AXDND1: variants seen among roughly 807,000 people sequenced by gnomAD.
AXDND1 encodes the protein axonemal dynein light chain domain containing 1, also known as axonemal dynein light chain domain-containing protein 1.
A neutral mutation model predicts 137.5 loss-of-function variants in AXDND1; 110 were observed. The ratio of observed to expected loss-of-function variants is 0.80; its 90% confidence interval spans 0.69 to 0.94. The LOEUF (loss-of-function observed/expected upper bound fraction) is 0.94, where lower values mean the gene tolerates loss of function less well. Among genes scored for constraint, AXDND1 ranks in the 40% least tolerant of loss-of-function variants. The pLI is 0.00. For missense variants in AXDND1, 1,191 were observed against 1,169.8 expected, an observed-to-expected ratio of 1.02 and a Z score of -0.26; for synonymous variants, 414 against 399.7, an observed-to-expected ratio of 1.04 and a Z score of -0.43.
intron 9 of AXDND1, among the ~76,000 whole-genome samples, chr1:179,386,323 C>T (rs1649220272): frequency 6.6e-6 from 1 of 152,212 alleles, no homozygotes; most frequent in African/African-American, 2.4e-5. Flanking sequence ...GCTGGGATTA[C>T]AGGCGTGAGC....
At chr1:179,385,507 T>A in intron 9 of AXDND1, 148 bp downstream of exon 9, 1 of 905,546 alleles carries the variant, frequency 1.1e-6, no homozygotes, top group Non-Finnish European at 1.7e-6. Flanking sequence ...TCTTTTTTGT[T>A]AATATATGGA....
chr1:179,466,706 T>G (rs1449121884), intron 16 of AXDND1, among the ~76,000 whole-genome samples: 2 of 152,334 alleles, frequency 1.3e-5, no homozygotes, highest in East Asian at 1.9e-4. Flanking sequence ...ATTTTTGTCT[T>G]GGTTTTGAGT....
At chr1:179,459,329 A>G (rs1661876695) in intron 16 of AXDND1, among the ~76,000 whole-genome samples, 1 of 152,176 alleles carries the variant, frequency 6.6e-6, no homozygotes, top group African/African-American at 2.4e-5. Flanking sequence ...TAGGTTCTAT[A>G]GGAAGAAAAT....
At chr1:179,456,185 T>G in intron 16 of AXDND1, 1 of 735,284 alleles carries the variant, frequency 1.4e-6, no homozygotes, top group Non-Finnish European at 2.3e-6. Context: ...TCCCTGTCAC[T>G]TCTCTGGATC....
At chr1:179,474,902 A>C (rs1664419408) in intron 17 of AXDND1, among the ~76,000 whole-genome samples, 1 of 152,268 alleles carries the variant, frequency 6.6e-6, no homozygotes, top group South Asian at 2.1e-4. Flanking sequence ...GGAGGTAAAA[A>C]TGGTTTCTTG....
At chr1:179,537,724 G>A (rs987648221) in intron 25 of AXDND1, among the ~76,000 whole-genome samples, 5 of 152,126 alleles carry the variant, frequency 3.3e-5, no homozygotes, top group Non-Finnish European at 5.9e-5. Context: ...AGTTAGGCAG[G>A]ATTCCCTTTT....
At chr1:179,483,343 G>A (rs949384363) in intron 18 of AXDND1, 122 bp downstream of exon 18, 5 of 534,768 alleles carry the variant, frequency 9.3e-6, no homozygotes, top group Non-Finnish European at 1.6e-5. Flanking sequence ...ATAGAAGCTT[G>A]TATAATAATT....
At chr1:179,528,872 G>A (rs552755963) in intron 23 of AXDND1, among the ~76,000 whole-genome samples, 4 of 152,148 alleles carry the variant, frequency 2.6e-5, no homozygotes, top group South Asian at 4.2e-4. Context: ...GACTGCAGAC[G>A]CGAGCTATTG....
At chr1:179,378,041 G>A (rs190838286) in intron 4 of AXDND1, among the ~76,000 whole-genome samples, 15 of 152,184 alleles carry the variant, frequency 9.9e-5, no homozygotes, top group African/African-American at 3.1e-4. Flanking sequence ...ATGATGGCAC[G>A]TGCTTGTAAT....
intron 12 of AXDND1, among the ~76,000 whole-genome samples, chr1:179,420,717 G>C (rs1025057457): frequency 6.6e-6 from 1 of 151,580 alleles, no homozygotes; most frequent in Middle Eastern, 3.4e-3. Context: ...CCATTTCCCA[G>C]GTTCAAGCAA....
chr1:179,378,061 T>G lies in AXDND1; in HGVS notation c.375-576T>G, dbSNP rs76017662. Among the ~76,000 whole-genome samples the G allele has an allele frequency of 2.3e-3, 344 of 152,132 alleles. 14 individuals are homozygous for G. In the East Asian group the frequency reaches 0.058, roughly 26 times the overall value. ...GGCACGTGCTTGTAATCCCAGCTAC[T>G]TGGGAGGCTGGGCAGGAGAATTGCT... On this transcript the variant is annotated intron_variant, in intron 4 of 25. Transcript: ENST00000367618.
Position 179,383,461 on chromosome 1 carries a change from G to C in AXDND1, c.658G>C (p.Glu220Gln). Residue 220 changes from glutamate (E) to glutamine (Q), a missense_variant, in exon 8 of 26, where the codon GAA becomes CAA. Physicochemically the swap from Glu to Gln is conservative, Grantham distance 29 (BLOSUM62 2). Transcript: ENST00000367618. ...TTTTAGGAAACCTAATAAAAGAGTA[G>C]AAGTGGCCCAGCTGAATGATGTGAT... ...FPSMKPNKRV[E>Q]VAQLNDVMDT... 1.2e-6 allele frequency: 2 copies of C among 1,613,856 alleles called. No individual in the cohort carries two copies. Among genetic ancestry groups the C allele is most frequent in the Non-Finnish European group, 1.7e-6 (2 of 1,179,812 alleles).
intron 17 of AXDND1, among the ~76,000 whole-genome samples, chr1:179,472,924 C>T (rs535722211): frequency 5.9e-5 from 9 of 152,010 alleles, no homozygotes; most frequent in African/African-American, 2.2e-4. Flanking sequence ...CTATAGAGAC[C>T]ATATAGTTGA....
chr1:179,541,274 C>A (rs1214401401), intron 25 of AXDND1, among the ~76,000 whole-genome samples: 1 of 152,194 alleles, frequency 6.6e-6, no homozygotes, highest in Non-Finnish European at 1.5e-5. Context: ...TACCCTGACT[C>A]CTTGTACTTC....
rs60585777 is a variant in AXDND1 at position 179,504,269 on chromosome 1, T to C, written c.2389-5027T>C. Among the ~76,000 whole-genome samples, 767 of 152,314 alleles carry C rather than the reference T, an allele frequency of 5.0e-3. 8 individuals are homozygous for C. Among genetic ancestry groups the C allele is most frequent in the African/African-American group, 0.018 (740 of 41,574 alleles). On this transcript the variant is annotated intron_variant, in intron 20 of 25. Coordinates refer to ENST00000367618, the MANE Select transcript of AXDND1 (RefSeq NM_144696.6). ...AAGCAGTCTCTTGGAACCCACACTA[T>C]ACATCTAGAAATGTGTTCAAGCCTT...
intron 4 of AXDND1, 73 bp downstream of exon 4, chr1:179,370,151 A>C (rs1667898498): frequency 4.2e-6 from 5 of 1,198,024 alleles, no homozygotes; most frequent in Non-Finnish European, 6.0e-6. Context: ...TTACCTTGGG[A>C]GGGGCAGAAT....
At chr1:179,538,688 T>C (rs1199892331) in intron 25 of AXDND1, among the ~76,000 whole-genome samples, 1 of 152,212 alleles carries the variant, frequency 6.6e-6, no homozygotes, top group African/African-American at 2.4e-5. Context: ...GATGGAGAAT[T>C]CTGTAGGTGT....
chr1:179,367,573 C>T (rs947267494), intron 2 of AXDND1, among the ~76,000 whole-genome samples: 1 of 151,362 alleles, frequency 6.6e-6, no homozygotes, highest in African/African-American at 2.4e-5. Context: ...CCGGTCTCTA[C>T]TAAAAATACA....
chr1:179,516,508 T>C (rs1313059864), intron 21 of AXDND1, among the ~76,000 whole-genome samples: 1 of 152,168 alleles, frequency 6.6e-6, no homozygotes. Context: ...TAGTGTGATT[T>C]TCTGGGGGTG....
Sources: gnomAD v4.1 joint callset for allele counts (sites outside exome capture counted in the v4.1 genomes callset) on GRCh38, gnomAD v4.1.1 for gene constraint, MANE v1.5 for transcripts, NCBI Gene and HGNC (gene_info 2026-07-23, HGNC 2026-07-21) for gene names.